ERN1: variants seen among roughly 807,000 people sequenced by gnomAD.
ERN1 encodes the protein endoplasmic reticulum to nucleus signaling 1.
In ERN1, 39 loss-of-function variants were observed where a neutral mutation model predicts 113.1. That is an observed-to-expected ratio of 0.34 (90% CI 0.27 to 0.45). The LOEUF (loss-of-function observed/expected upper bound fraction) is 0.45. Among genes scored for constraint, ERN1 ranks in the 20% least tolerant of loss-of-function variants. The probability of loss-of-function intolerance (pLI) is 1.00; values close to 1 mark genes in which losing one functional copy is unlikely to be tolerated. For missense variants in ERN1, 976 were observed against 1,274.8 expected (o/e 0.77, Z 3.57); for synonymous variants, 507 against 515.9 (o/e 0.98, Z 0.23).
At chr17:64,083,325 A>G (rs978267262) in intron 2 of ERN1, among the ~76,000 whole-genome samples, 1 of 152,192 alleles carries the variant, frequency 6.6e-6, no homozygotes, top group African/African-American at 2.4e-5. Flanking sequence ...GAAAATGTGC[A>G]CTAAAAGAGT....
chr17:64,111,892 GA>G (rs1486032010), intron 1 of ERN1, among the ~76,000 whole-genome samples: 1 of 152,146 alleles, frequency 6.6e-6, no homozygotes, highest in East Asian at 1.9e-4. Context: ...GGCAGCCAAA[GA>G]AATCATCAGG....
chr17:64,068,597 C>T (rs1208538948), intron 6 of ERN1, among the ~76,000 whole-genome samples: 1 of 152,174 alleles, frequency 6.6e-6, no homozygotes, highest in Non-Finnish European at 1.5e-5. Context: ...TGCCTTATTA[C>T]ATAGCAATGG....
chr17:64,086,574 T>C (rs1015595695), intron 2 of ERN1, among the ~76,000 whole-genome samples: 3 of 151,894 alleles, frequency 2.0e-5, no homozygotes, highest in Admixed American at 6.6e-5. Context: ...AAAGCTTCTG[T>C]GAACATTTGT....
intron 2 of ERN1, among the ~76,000 whole-genome samples, chr17:64,096,722 G>A (rs575762129): frequency 1.3e-5 from 2 of 152,270 alleles, no homozygotes; most frequent in Admixed American, 1.3e-4. Flanking sequence ...AGTTAGAAGA[G>A]AAAACAGGTT....
chr17:64,061,427 T>G (rs754810716), intron 10 of ERN1, among the ~76,000 whole-genome samples: 3 of 152,242 alleles, frequency 2.0e-5, no homozygotes, highest in African/African-American at 4.8e-5. Flanking sequence ...TTTCACCTTA[T>G]GATCTTTCCA....
chr17:64,113,846 C>A (rs185160368), intron 1 of ERN1, among the ~76,000 whole-genome samples: 3 of 152,002 alleles, frequency 2.0e-5, no homozygotes, highest in African/African-American at 7.2e-5. Context: ...CCATGCCCGG[C>A]TAATTTTTGT....
intron 1 of ERN1, among the ~76,000 whole-genome samples, chr17:64,113,628 G>A (rs1914729143): frequency 6.6e-6 from 1 of 150,612 alleles, no homozygotes; most frequent in African/African-American, 2.5e-5. Flanking sequence ...TCCCGCCTCA[G>A]CCTCTGGAGT....
At chr17:64,088,066 C>A (rs1361719256) in intron 2 of ERN1, among the ~76,000 whole-genome samples, 1 of 152,192 alleles carries the variant, frequency 6.6e-6, no homozygotes, top group East Asian at 1.9e-4. Flanking sequence ...GGGCAGACTT[C>A]CTTCCATGTA....
chr17:64,051,811 G>A (rs1340070953), intron 17 of ERN1, among the ~76,000 whole-genome samples: 1 of 152,188 alleles, frequency 6.6e-6, no homozygotes, highest in Non-Finnish European at 1.5e-5. Context: ...AGACATTTGG[G>A]GACTAATTGG....
chr17:64,098,450 G>GC (rs754504787), intron 1 of ERN1: 2 of 741,878 alleles, frequency 2.7e-6, no homozygotes, highest in Non-Finnish European at 4.9e-6. Flanking sequence ...CTGCAGACAG[G>GC]CAGGCTCATG....
At chr17:64,116,337 GT>G (rs1774322049) in intron 1 of ERN1, among the ~76,000 whole-genome samples, 1 of 152,164 alleles carries the variant, frequency 6.6e-6, no homozygotes, top group African/African-American at 2.4e-5. Flanking sequence ...CTTAGGGTCC[GT>G]TTTACAAGCA....
intron 3 of ERN1, chr17:64,080,524 T>G: frequency 2.2e-6 from 1 of 446,780 alleles, no homozygotes; most frequent in South Asian, 2.7e-5. Context: ...TTTGGAAGTT[T>G]AAGTTCAAAG....
chr17:64,116,183 T>C (rs1371362064), intron 1 of ERN1, among the ~76,000 whole-genome samples: 2 of 152,162 alleles, frequency 1.3e-5, no homozygotes, highest in Admixed American at 6.5e-5. Flanking sequence ...CTACCTACTA[T>C]AGACTCTAAA....
intron 1 of ERN1, among the ~76,000 whole-genome samples, chr17:64,113,514 C>CTT (rs796302193): frequency 1.1e-3 from 166 of 145,076 alleles, no homozygotes; most frequent in African/African-American, 3.9e-3. Context: ...TTACGTAAAT[C>CTT]TTTTTTTTTT....
At position 64,054,381 on chromosome 17, in the gene ERN1, A is replaced by G; in HGVS notation, c.1822T>C (p.Phe608Leu). 1.2e-6 allele frequency: 2 copies of G among 1,604,156 alleles called. No homozygotes were observed. Among genetic ancestry groups the G allele is most frequent in the Non-Finnish European group, 1.7e-6 (2 of 1,175,382 alleles). Residue 608 changes from phenylalanine to leucine, a missense_variant, in exon 15 of 22, where the codon TTC becomes CTC. Phe to Leu is a conservative substitution (Grantham distance 22, BLOSUM62 0). This residue lies in a region of ERN1 where 297 missense variants were observed against 457.8 expected (regional missense o/e 0.65). Transcript: ENST00000433197. The surrounding 1 kb of genome is among the most constrained non-coding windows in gnomAD (Gnocchi z 4.9). ...VKRILPECFS[F>L]ADREVQLLRE... ...AACAGCTGGACCTCACGGTCTGCGA[A>G]GCTAAAACACTCGGGGAGGATCCTC...
chr17:64,122,669 T>C (rs1362237620), intron 1 of ERN1, among the ~76,000 whole-genome samples: 3 of 152,194 alleles, frequency 2.0e-5, no homozygotes, highest in East Asian at 3.8e-4. Context: ...GTGATCAAAC[T>C]GGGTAATAAC....
chr17:64,121,032 G>T (rs1049457878), intron 1 of ERN1, among the ~76,000 whole-genome samples: 2 of 152,122 alleles, frequency 1.3e-5, no homozygotes, highest in African/African-American at 4.8e-5. Flanking sequence ...CTGCCTTCTC[G>T]GATGAACCAG....
intron 1 of ERN1, among the ~76,000 whole-genome samples, chr17:64,109,126 A>G (rs185363857): frequency 6.7e-4 from 102 of 151,492 alleles, no homozygotes; most frequent in African/African-American, 2.5e-3. Flanking sequence ...CTCCATCTCA[A>G]AAAAAATAGA....
Position 64,064,068 on chromosome 17 carries a change from C to T in ERN1, c.1005G>A (p.Thr335=), listed in dbSNP as rs749500366. ...GATCAAACTTGACGTCCGTGCTGGGCGTGATCACACACTCCCCCTTGTCCC... is the reference window on the plus strand; with the variant it reads ...GATCAAACTTGACGTCCGTGCTGGGTGTGATCACACACTCCCCCTTGTCCC... The part of the protein sequence containing the change: ...TIGDKGECVI[T]PSTDVKFDPG... Residue 335 remains threonine (T), a synonymous_variant, in exon 10 of 22, where the codon ACG becomes ACA. Transcript: ENST00000433197. 13 of 1,613,534 alleles carry T rather than the reference C, an allele frequency of 8.1e-6. No individual in the cohort carries two copies. Among genetic ancestry groups the T allele is most frequent in the South Asian group, 7.7e-5 (7 of 91,020 alleles).
Sources: allele counts gnomAD v4.1 joint callset (sites outside exome capture counted in the v4.1 genomes callset), GRCh38; gene constraint gnomAD v4.1.1; regional missense constraint gnomAD v4.1.1; non-coding constraint Gnocchi (gnomAD v3.1); transcripts MANE v1.5; gene names NCBI Gene and HGNC (gene_info 2026-07-23, HGNC 2026-07-21).